The following TCERG1L variants were observed in gnomAD, a reference collection of about 807,000 sequenced individuals.
The protein encoded by TCERG1L is transcription elongation regulator 1-like protein.
TCERG1L carries 37 observed loss-of-function variants against 56.3 expected under a neutral mutation model. That is an observed-to-expected ratio of 0.66 (90% CI 0.51 to 0.87). The LOEUF (loss-of-function observed/expected upper bound fraction) is 0.87, where lower values mean the gene tolerates loss of function less well. Among genes scored for constraint, TCERG1L ranks in the 40% least tolerant of loss-of-function variants. The probability of loss-of-function intolerance (pLI) is 0.00; values close to 1 mark genes in which losing one functional copy is unlikely to be tolerated. For synonymous variants in TCERG1L, 324 were observed against 326.3 expected (o/e 0.99, Z 0.08); for missense variants, 799 against 774.2 (o/e 1.03, Z -0.38).
In TCERG1L at chr10:131,143,094, G is replaced by A. The variant is rs575767618; in HGVS notation, c.1189+3412C>T. ...GCCGATGCCAGTGAGGCCTCTGCTC[G>A]ACGTCTGCCCTCCAGAACTGTAAGA... On this transcript the variant is annotated intron_variant, in intron 7 of 11. Coordinates refer to ENST00000368642, the MANE Select transcript of TCERG1L (RefSeq NM_174937.4). Among the ~76,000 whole-genome samples, 5 of 152,306 alleles carry A rather than the reference G, an allele frequency of 3.3e-5. No individual in the cohort carries two copies. In the South Asian group the frequency reaches 1.0e-3, roughly 32 times the overall value.
At chr10:131,181,125 C>G (rs1845171001) in intron 4 of TCERG1L, among the ~76,000 whole-genome samples, 1 of 152,226 alleles carries the variant, frequency 6.6e-6, no homozygotes, top group South Asian at 2.1e-4. Flanking sequence ...GCTCCCTGAT[C>G]TACGTGGTTG....
At chr10:131,207,147 C>A (rs1845541932) in intron 4 of TCERG1L, among the ~76,000 whole-genome samples, 1 of 152,214 alleles carries the variant, frequency 6.6e-6, no homozygotes, top group Non-Finnish European at 1.5e-5. Flanking sequence ...GGTCCCCACC[C>A]CAATCCCCTC....
rs1212795487 is a variant in TCERG1L at position 131,285,465 on chromosome 10, GAAGAAAGAAAGAAAGA to G, written c.670+22730_670+22745del. On this transcript the variant is annotated intron_variant, in intron 3 of 11. Coordinates refer to ENST00000368642, the MANE Select transcript of TCERG1L (RefSeq NM_174937.4). ...AGAAACAAAGAAAGAGAGAGAAAGG[GAAGAAAGAAAGAAAGA>G]AAGAAAGAAAGAAAGAAAGAAAGAA... Among the ~76,000 whole-genome samples, 612 of 103,966 alleles carry G rather than the reference GAAGAAAGAAAGAAAGA, an allele frequency of 5.9e-3. 24 individuals carry two copies. The highest frequency in any genetic ancestry group is 0.023 in the African/African-American group (571 of 25,032). The allele number at this position is 103,966 out of a possible 152,430, so 68.2% of individuals were successfully genotyped here. A position where few individuals can be genotyped will look rare whatever the true frequency, so the allele number is the denominator to read the frequency against.
chr10:131,291,018 A>G (rs1846614944), intron 3 of TCERG1L, among the ~76,000 whole-genome samples: 1 of 152,204 alleles, frequency 6.6e-6, no homozygotes, highest in Non-Finnish European at 1.5e-5. Context: ...AATGCTGAGT[A>G]AAGAGGCAAT....
intron 6 of TCERG1L, among the ~76,000 whole-genome samples, chr10:131,160,366 G>A (rs1025192636): frequency 2.6e-5 from 4 of 152,016 alleles, no homozygotes; most frequent in South Asian, 2.1e-4. Flanking sequence ...GTGCTCCCAG[G>A]CCCAAGCCCT....
intron 4 of TCERG1L, among the ~76,000 whole-genome samples, chr10:131,226,582 C>T (rs1236834881): frequency 6.6e-6 from 1 of 152,224 alleles, no homozygotes; most frequent in Non-Finnish European, 1.5e-5. Context: ...TTCTGCTCAG[C>T]AGCACAGTCT....
chr10:131,148,297 CACAA>C (rs1845820745), intron 6 of TCERG1L, among the ~76,000 whole-genome samples: 2 of 152,162 alleles, frequency 1.3e-5, no homozygotes, highest in Non-Finnish European at 2.9e-5. Context: ...AGGTGTTTCA[CACAA>C]ACACACTCTC....
intron 1 of TCERG1L, among the ~76,000 whole-genome samples, chr10:131,310,925 C>T (rs1846883288): frequency 1.3e-5 from 2 of 152,270 alleles, no homozygotes; most frequent in African/African-American, 4.8e-5. Flanking sequence ...AAAGTCCTAA[C>T]TTCTCCGCGA....
intron 4 of TCERG1L, among the ~76,000 whole-genome samples, chr10:131,199,937 C>G (rs1247125167): frequency 6.6e-6 from 1 of 152,212 alleles, no homozygotes. Context: ...CTAGCAAAGG[C>G]TGTAAAATTA....
chr10:131,272,876 G>C (rs1846353914), intron 3 of TCERG1L, among the ~76,000 whole-genome samples: 1 of 152,216 alleles, frequency 6.6e-6, no homozygotes, highest in Non-Finnish European at 1.5e-5. Context: ...CCCGGTTTCT[G>C]CATCTGTGGG....
At chr10:131,168,105 C>G (rs1328483980) in intron 4 of TCERG1L, among the ~76,000 whole-genome samples, 1 of 152,170 alleles carries the variant, frequency 6.6e-6, no homozygotes, top group Non-Finnish European at 1.5e-5. Context: ...ATGCTCCTTC[C>G]TGGTAGACGG....
intron 6 of TCERG1L, among the ~76,000 whole-genome samples, chr10:131,151,787 A>G (rs1589729621): frequency 6.6e-6 from 1 of 152,312 alleles, no homozygotes; most frequent in Middle Eastern, 3.4e-3. Context: ...CACCTGCAGC[A>G]AATTTCTGCC....
At chr10:131,134,943 C>T (rs998371107) in intron 7 of TCERG1L, among the ~76,000 whole-genome samples, 1 of 152,188 alleles carries the variant, frequency 6.6e-6, no homozygotes, top group Non-Finnish European at 1.5e-5. Flanking sequence ...TGTGGCCATG[C>T]CTCACTATGG....
rs1212786602 is a variant in TCERG1L, at chr10:131,118,828, C to T, written c.1260-1894G>A. ...TCCAGTTCTGGTTTTGACGATAGCA[C>T]CATGTTCTCCACTGGGGATGATTTT... On this transcript the variant is annotated intron_variant, in intron 8 of 11. Coordinates refer to ENST00000368642, the MANE Select transcript of TCERG1L (RefSeq NM_174937.4). This position sits in a 1 kb window ranked among gnomAD's most constrained non-coding sequence, Gnocchi z 4.2. Among the ~76,000 whole-genome samples, 1 of 152,142 alleles carries T rather than the reference C, an allele frequency of 6.6e-6. No homozygotes were observed. The highest frequency in any genetic ancestry group is 1.5e-5 in the Non-Finnish European group (1 of 68,034).
chr10:131,094,765 C>G (rs1845223532), intron 11 of TCERG1L, among the ~76,000 whole-genome samples: 2 of 152,212 alleles, frequency 1.3e-5, no homozygotes, highest in South Asian at 2.1e-4. Context: ...ATGTAACCAC[C>G]TTGGTGTACC....
chr10:131,115,308 C>CAG (rs1845446441), intron 9 of TCERG1L, among the ~76,000 whole-genome samples: 1 of 152,232 alleles, frequency 6.6e-6, no homozygotes, highest in African/African-American at 2.4e-5. Flanking sequence ...CACCACTCTG[C>CAG]AGAGACCAAG....
At chr10:131,185,123 A>G (rs1322772466) in intron 4 of TCERG1L, among the ~76,000 whole-genome samples, 1 of 152,164 alleles carries the variant, frequency 6.6e-6, no homozygotes, top group Non-Finnish European at 1.5e-5. Context: ...AGATGTACAT[A>G]TAGATAAAAA....
Position 131,260,728 on chromosome 10 carries a change from G to C in TCERG1L, c.671-284C>G, listed in dbSNP as rs1288691730. The stretch of plus-strand genomic sequence containing the variant: ...CACCAGGGGACGAGCCAGGACCCGG[G>C]TGCCTTAAAGAGAAACTGCTTGTCC... On this transcript the variant is annotated intron_variant, in intron 3 of 11. Transcript: ENST00000368642. This position sits in a 1 kb window ranked among gnomAD's most constrained non-coding sequence, Gnocchi z 5.8. Among the ~76,000 whole-genome samples the C allele has an allele frequency of 6.6e-6, 1 of 152,172 alleles. No homozygotes were observed. The highest frequency in any genetic ancestry group is 1.5e-5 in the Non-Finnish European group (1 of 68,028).
At chr10:131,101,559 C>T (rs918366731) in intron 10 of TCERG1L, among the ~76,000 whole-genome samples, 1 of 152,194 alleles carries the variant, frequency 6.6e-6, no homozygotes, top group Admixed American at 6.5e-5. Flanking sequence ...ACGCCACACA[C>T]AGCACACATG....
Sources: allele counts gnomAD v4.1 joint callset (sites outside exome capture counted in the v4.1 genomes callset), GRCh38; gene constraint gnomAD v4.1.1; non-coding constraint Gnocchi (gnomAD v3.1); transcripts MANE v1.5; gene names NCBI Gene and HGNC (gene_info 2026-07-23, HGNC 2026-07-21).